Variants in TNKS observed in about 807,000 individuals in gnomAD.
TNKS encodes the protein tankyrase.
TNKS carries 72 observed loss-of-function variants against 135.8 expected under a neutral mutation model. The observed-to-expected ratio is 0.53, with a 90% CI of 0.44 to 0.64. TNKS has a LOEUF of 0.64. Among genes scored for constraint, TNKS ranks in the 30% least tolerant of loss-of-function variants. The probability of loss-of-function intolerance (pLI) is 0.00; values close to 1 mark genes in which losing one functional copy is unlikely to be tolerated. For missense variants in TNKS, 1,769 were observed against 1,674.0 expected (o/e 1.06, Z -0.99); for synonymous variants, 849 against 649.3 (o/e 1.31, Z -4.68).
chr8:9,774,493 C>A (rs1298696221), intron 26 of TNKS, among the ~76,000 whole-genome samples: 1 of 152,138 alleles, frequency 6.6e-6, no homozygotes, highest in Non-Finnish European at 1.5e-5. Flanking sequence ...TAAATAAATA[C>A]ATACATACAT....
At chr8:9,644,160 C>T (rs1178329617) in intron 3 of TNKS, among the ~76,000 whole-genome samples, 2 of 152,090 alleles carry the variant, frequency 1.3e-5, no homozygotes, top group African/African-American at 4.8e-5. Flanking sequence ...CATTTTCAGC[C>T]TTGTCAGTTG....
chr8:9,673,610 A>AT (rs1348633339), intron 3 of TNKS, among the ~76,000 whole-genome samples: 1 of 151,598 alleles, frequency 6.6e-6, no homozygotes. Context: ...CGCCCAGCTA[A>AT]TTTTTTTGTG....
At chr8:9,640,741 G>C (rs1246402915) in intron 3 of TNKS, among the ~76,000 whole-genome samples, 1 of 145,674 alleles carries the variant, frequency 6.9e-6, no homozygotes, top group Non-Finnish European at 1.5e-5. Context: ...GGTTGGATCT[G>C]AACAATTTCA....
In TNKS at chr8:9,751,596, AT is replaced by A. The variant is rs1428533185; in HGVS notation, c.2833-12del. 3 of 1,603,330 alleles carry A rather than the reference AT, an allele frequency of 1.9e-6. No individual in the cohort carries two copies. The highest frequency in any genetic ancestry group is 1.7e-5 in the Admixed American group (1 of 58,342). On this transcript the variant is annotated splice_polypyrimidine_tract_variant and intron_variant, in intron 18 of 26. Transcript: ENST00000310430. ...AGTATTTTCATGGTTTTTGTTTTTA[AT>A]CATTTTTTTAGGCTGACGATATCAG...
intron 3 of TNKS, among the ~76,000 whole-genome samples, chr8:9,649,878 CTTTTTTTTTTTTTTTTTTTTTT>C (rs71201959): frequency 4.8e-5 from 4 of 83,364 alleles, no homozygotes; most frequent in African/African-American, 1.1e-4. Flanking sequence ...CTTTTCTTTT[CTTTTTTTTTTTTTTTTTTTTTT>C]TTTTTTTGAG....
At position 9,755,033 on chromosome 8, in the gene TNKS, C is replaced by T. The variant is rs370799122; in HGVS notation, c.3153+2407C>T. On this transcript the variant is annotated intron_variant, in intron 20 of 26. Coordinates refer to ENST00000310430, the MANE Select transcript of TNKS (RefSeq NM_003747.3). Reference sequence around the variant, plus strand: ...CACAATAATTGTAAAATTTCAAACACATCTTTGCTAAATAAACCAAAGACC... The same window carrying T: ...CACAATAATTGTAAAATTTCAAACATATCTTTGCTAAATAAACCAAAGACC... 4.4e-4 allele frequency among the ~76,000 whole-genome samples: 67 copies of T among 152,304 alleles called. 2 individuals carry two copies. Among genetic ancestry groups the T allele is most frequent in the East Asian group, 2.5e-3 (13 of 5,188 alleles).
intron 26 of TNKS, among the ~76,000 whole-genome samples, chr8:9,770,660 T>A (rs1807775706): frequency 6.6e-6 from 1 of 152,206 alleles, no homozygotes; most frequent in Non-Finnish European, 1.5e-5. Flanking sequence ...TGTCTGAATG[T>A]AAGTGAACTT....
At chr8:9,634,006 C>G (rs1585256976) in intron 3 of TNKS, among the ~76,000 whole-genome samples, 1 of 150,958 alleles carries the variant, frequency 6.6e-6, no homozygotes, top group Admixed American at 6.6e-5. Context: ...TTGTCATTTC[C>G]AGATGTAATT....
At chr8:9,580,106 T>C in intron 1 of TNKS, 53 bp from the exon 2 acceptor site, 1 of 1,477,362 alleles carries the variant, frequency 6.8e-7, no homozygotes, top group Non-Finnish European at 9.5e-7. Context: ...ATTCTAATGG[T>C]TCTTTTTACA....
chr8:9,734,881 C>T lies in TNKS; in HGVS notation c.2330C>T (p.Thr777Ile). ...TCTTTGTAGCATGGAGCAGATCCAA[C>T]TAAAAAGAACAGAGATGGAAATACA... ...KLLLKHGADP[T>I]KKNRDGNTPL... Residue 777 changes from threonine to isoleucine, a missense_variant, in exon 16 of 27, where the codon ACT becomes ATT. Thr to Ile is a moderately conservative substitution (Grantham distance 89, BLOSUM62 -1). Coordinates refer to ENST00000310430, the MANE Select transcript of TNKS (RefSeq NM_003747.3). 3 of 1,613,850 alleles carry T rather than the reference C, an allele frequency of 1.9e-6. No individual in the cohort carries two copies. Among genetic ancestry groups the T allele is most frequent in the East Asian group, 2.2e-5 (1 of 44,880 alleles).
chr8:9,606,803 T>C (rs1192776846), intron 2 of TNKS, among the ~76,000 whole-genome samples: 1 of 152,124 alleles, frequency 6.6e-6, no homozygotes, highest in East Asian at 1.9e-4. Context: ...ATTATCTTCC[T>C]CTGAAGAATT....
intron 3 of TNKS, chr8:9,658,264 C>T (rs529229847): frequency 5.7e-4 from 208 of 366,412 alleles, no homozygotes; most frequent in Middle Eastern, 1.5e-3. Flanking sequence ...GCTGCAATCT[C>T]GGCACTTTGG....
intron 4 of TNKS, among the ~76,000 whole-genome samples, chr8:9,680,436 CTATT>C (rs1373429696): frequency 3.3e-5 from 5 of 151,906 alleles, no homozygotes; most frequent in African/African-American, 9.7e-5. Context: ...ACGTTTTAGT[CTATT>C]TATCAGAATA....
chr8:9,775,030 C>G (rs1200938923), intron 26 of TNKS, among the ~76,000 whole-genome samples: 2 of 152,164 alleles, frequency 1.3e-5, no homozygotes, highest in African/African-American at 2.4e-5. Context: ...ACATCTCACA[C>G]CAGAGTGTTC....
intron 20 of TNKS, among the ~76,000 whole-genome samples, chr8:9,757,867 T>TA (rs148355143): frequency 6.6e-6 from 1 of 152,348 alleles, no homozygotes; most frequent in East Asian, 1.9e-4. Context: ...ATTTTATATG[T>TA]GAATGAGCTA....
chr8:9,572,820 G>C (rs1222577463), intron 1 of TNKS, among the ~76,000 whole-genome samples: 1 of 152,128 alleles, frequency 6.6e-6, no homozygotes, highest in African/African-American at 2.4e-5. Context: ...AAAGTGTCTG[G>C]AACCGCTAGT....
At chr8:9,583,447 C>G (rs1399705090) in intron 2 of TNKS, among the ~76,000 whole-genome samples, 1 of 152,092 alleles carries the variant, frequency 6.6e-6, no homozygotes, top group Non-Finnish European at 1.5e-5. Flanking sequence ...CAAATATAGT[C>G]TCCAAAACCA....
chr8:9,608,039 C>G (rs576208627), intron 2 of TNKS, among the ~76,000 whole-genome samples: 7 of 152,244 alleles, frequency 4.6e-5, no homozygotes, highest in South Asian at 4.1e-4. Context: ...TCCTGAGGCT[C>G]AAGCGATCCT....
intron 2 of TNKS, among the ~76,000 whole-genome samples, chr8:9,611,291 A>T (rs986321468): frequency 3.9e-5 from 6 of 152,240 alleles, no homozygotes; most frequent in African/African-American, 1.4e-4. Flanking sequence ...GTGAATGGCC[A>T]TAGTACCCTT....
Sources: gnomAD v4.1 joint callset for allele counts (sites outside exome capture counted in the v4.1 genomes callset) on GRCh38, gnomAD v4.1.1 for gene constraint, MANE v1.5 for transcripts, NCBI Gene and HGNC (gene_info 2026-07-23, HGNC 2026-07-21) for gene names.